The following ABCA13 variants were observed in gnomAD, a reference collection of about 807,000 sequenced individuals.
The protein encoded by ABCA13 is ATP binding cassette subfamily A member 13.
In ABCA13, 476 loss-of-function variants were observed where a neutral mutation model predicts 478.7. The ratio of observed to expected loss-of-function variants is 0.99; its 90% confidence interval spans 0.92 to 1.07. The LOEUF is 1.07. Among genes scored for constraint, ABCA13 ranks in the 50% least tolerant of loss-of-function variants. The pLI is 0.00. For synonymous variants in ABCA13, 2,252 were observed against 2,158.9 expected (o/e 1.04, Z -1.20); for missense variants, 6,060 against 5,910.6 (o/e 1.03, Z -0.83).
intron 5 of ABCA13, among the ~76,000 whole-genome samples, chr7:48,224,271 C>T (rs1386477864): frequency 6.6e-6 from 1 of 152,204 alleles, no homozygotes; most frequent in African/African-American, 2.4e-5. Flanking sequence ...GAGCTAACAA[C>T]CCCATTGCAA....
chr7:48,214,080 T>C (rs1299612847), intron 3 of ABCA13, among the ~76,000 whole-genome samples: 1 of 152,222 alleles, frequency 6.6e-6, no homozygotes, highest in Non-Finnish European at 1.5e-5. Context: ...AAGTTACTTC[T>C]TGCTCCACGT....
At chr7:48,348,942 C>T (rs1275581074) in intron 29 of ABCA13, among the ~76,000 whole-genome samples, 1 of 152,194 alleles carries the variant, frequency 6.6e-6, no homozygotes, top group African/African-American at 2.4e-5. Flanking sequence ...AATATAAATG[C>T]AGCCTGGTGT....
chr7:48,213,562 G>T (rs1009273679), intron 3 of ABCA13, among the ~76,000 whole-genome samples: 1 of 152,140 alleles, frequency 6.6e-6, no homozygotes, highest in African/African-American at 2.4e-5. Flanking sequence ...GGTGGAAGTG[G>T]CTGTGGCTAT....
At position 48,219,705 on chromosome 7, in the gene ABCA13, G is replaced by A. The variant is rs552181966; in HGVS notation, c.439+200G>A. ...TGGATTCTCTCTCCTCAACCCCCTCGGAAGGCACCTTGTGCAGTGCACACA... is the reference window on the plus strand; with the variant it reads ...TGGATTCTCTCTCCTCAACCCCCTCAGAAGGCACCTTGTGCAGTGCACACA... On this transcript the variant is annotated intron_variant, in intron 4 of 61. Coordinates refer to ENST00000435803, the MANE Select transcript of ABCA13 (RefSeq NM_152701.5). Among the ~76,000 whole-genome samples, 3 of 152,116 alleles carry A rather than the reference G, an allele frequency of 2.0e-5. 1 individual carries two copies. In the South Asian group the frequency reaches 6.2e-4, roughly 32 times the overall value.
intron 42 of ABCA13, among the ~76,000 whole-genome samples, chr7:48,443,901 C>T (rs1210987389): frequency 6.6e-6 from 1 of 152,154 alleles, no homozygotes; most frequent in Admixed American, 6.5e-5. Context: ...ACCCTCTTTC[C>T]TTCCTGTTAC....
rs187476158 is a variant in ABCA13 at position 48,614,095 on chromosome 7, A to G, written c.14745-1190A>G. On this transcript the variant is annotated intron_variant, in intron 58 of 61. Transcript: ENST00000435803. ...TATACTAACATATTAATATTATTTT[A>G]TATTACACTAATTTTCATATTATAA... Among the ~76,000 whole-genome samples, 1,101 of 149,974 alleles carry G rather than the reference A, an allele frequency of 7.3e-3. 40 individuals are homozygous for G. The highest frequency in any genetic ancestry group is 0.011 in the Non-Finnish European group (774 of 67,388).
chr7:48,507,832 C>G, intron 49 of ABCA13, 40 bp from the exon 50 acceptor site: 2 of 1,538,854 alleles, frequency 1.3e-6, no homozygotes, highest in Non-Finnish European at 1.8e-6. Context: ...GGCTTGTGTT[C>G]TTCGTCAGGT....
rs1363820184 is a variant in ABCA13 at position 48,273,012 on chromosome 7, G to A, written c.3346G>A (p.Glu1116Lys). The change falls in exon 17 of 62, where the codon GAG becomes AAG. Residue 1116 changes from glutamate to lysine, a missense_variant. Transcript: ENST00000435803. ...HISSVNYSTS[E>K]ESSFVFPLAQ... ...TTCTTCCGTAAATTATTCAACAAGT[G>A]AGGAGTCTTCATTTGTTTTTCCATT... 1 of 1,613,612 alleles carries A rather than the reference G, an allele frequency of 6.2e-7. No homozygotes were observed. The highest frequency in any genetic ancestry group is 1.7e-5 in the Admixed American group (1 of 59,976).
chr7:48,638,516 G>C (rs1794864625), intron 59 of ABCA13, among the ~76,000 whole-genome samples: 1 of 152,180 alleles, frequency 6.6e-6, no homozygotes, highest in Admixed American at 6.5e-5. Flanking sequence ...GCCAAACACT[G>C]TTTTGTTGTT....
At chr7:48,391,827 C>T in intron 37 of ABCA13, 94 bp from the exon 38 acceptor site, 1 of 1,212,414 alleles carries the variant, frequency 8.2e-7, no homozygotes, top group Non-Finnish European at 1.2e-6. Context: ...GTGCTCTTGG[C>T]AGGATGCATG....
intron 58 of ABCA13, among the ~76,000 whole-genome samples, chr7:48,610,402 C>G (rs985658553): frequency 3.3e-5 from 5 of 152,216 alleles, no homozygotes; most frequent in Admixed American, 2.0e-4. Flanking sequence ...TGGGGCTCGG[C>G]TCCCAAGGCT....
In ABCA13 at chr7:48,314,278, A is replaced by C. The variant is rs776968552; in HGVS notation, c.9728A>C (p.Gln3243Pro). 1.2e-6 allele frequency: 2 copies of C among 1,613,546 alleles called. No homozygotes were observed. The highest frequency in any genetic ancestry group is 3.3e-5 in the Admixed American group (2 of 59,950). The change falls in exon 26 of 62, where the codon CAG (glutamine) becomes CCG (proline). Residue 3243 changes from glutamine to proline, a missense_variant. This residue lies in a region of ABCA13 where 4,423 missense variants were observed against 4,309.1 expected (regional missense o/e 1.03). Coordinates refer to ENST00000435803, the MANE Select transcript of ABCA13 (RefSeq NM_152701.5). ...QARSSAFGSFQFVMKMVCKDQ... is the reference protein window; with the variant it reads ...QARSSAFGSFPFVMKMVCKDQ... ...AGAAGTTCAGCTTTTGGTTCTTTCC[A>C]GTTTGTGATGAAGATGGTTTGCAAG...
intron 42 of ABCA13, among the ~76,000 whole-genome samples, chr7:48,435,193 T>C (rs1822671511): frequency 6.6e-6 from 1 of 151,868 alleles, no homozygotes; most frequent in Non-Finnish European, 1.5e-5. Context: ...TAACATTTTG[T>C]AGTGTTGAGT....
At chr7:48,399,577 A>C (rs1199372284) in intron 38 of ABCA13, among the ~76,000 whole-genome samples, 4 of 152,234 alleles carry the variant, frequency 2.6e-5, no homozygotes, top group African/African-American at 4.8e-5. Context: ...TACAAGGTCT[A>C]GGATGTAACT....
intron 15 of ABCA13, among the ~76,000 whole-genome samples, chr7:48,249,709 T>C (rs935985990): frequency 1.3e-5 from 2 of 152,180 alleles, no homozygotes; most frequent in African/African-American, 4.8e-5. Flanking sequence ...TTACTTAGCA[T>C]TAAGATTGAT....
chr7:48,536,275 TTATC>T (rs1248240249), intron 55 of ABCA13, among the ~76,000 whole-genome samples: 4 of 152,196 alleles, frequency 2.6e-5, no homozygotes, highest in Non-Finnish European at 4.4e-5. Context: ...GGATTGAAAA[TTATC>T]TACAAATTTT....
intron 51 of ABCA13, 43 bp from the exon 52 acceptor site, chr7:48,516,682 A>G: frequency 6.3e-7 from 1 of 1,577,986 alleles, no homozygotes; most frequent in Non-Finnish European, 8.7e-7. Flanking sequence ...ACTACTGTAA[A>G]TGTTACAGTA....
At chr7:48,368,796 CAG>C (rs1812180748) in intron 32 of ABCA13, among the ~76,000 whole-genome samples, 1 of 146,488 alleles carries the variant, frequency 6.8e-6, no homozygotes, top group Non-Finnish European at 1.5e-5. Context: ...CACACACACA[CAG>C]ACATTTTCTT....
intron 35 of ABCA13, among the ~76,000 whole-genome samples, chr7:48,378,001 A>G (rs1159451691): frequency 6.6e-6 from 1 of 152,222 alleles, no homozygotes; most frequent in African/African-American, 2.4e-5. Context: ...ATCTAAGGCT[A>G]GAGGCTCTTG....
Sources: allele counts gnomAD v4.1 joint callset (sites outside exome capture counted in the v4.1 genomes callset), GRCh38; gene constraint gnomAD v4.1.1; regional missense constraint gnomAD v4.1.1; transcripts MANE v1.5; gene names NCBI Gene and HGNC (gene_info 2026-07-23, HGNC 2026-07-21).